Variants in MYO3B observed in about 807,000 individuals in gnomAD.
MYO3B encodes myosin IIIB, also known as myosin-IIIb.
MYO3B carries 156 observed loss-of-function variants against 174.6 expected under a neutral mutation model. The observed-to-expected ratio is 0.89, with a 90% CI of 0.78 to 1.02. The LOEUF is 1.02. Ranked by LOEUF, MYO3B falls within the 50% of genes least tolerant of loss-of-function variation. The pLI, the probability that MYO3B is intolerant of heterozygous loss-of-function variation, is 0.00. For missense variants in MYO3B, 1,632 were observed against 1,639.4 expected, an observed-to-expected ratio of 1.00 and a Z score of 0.08; for synonymous variants, 563 against 569.1, an observed-to-expected ratio of 0.99 and a Z score of 0.15.
At chr2:170,355,450 GC>G (rs2094113102) in intron 8 of MYO3B, among the ~76,000 whole-genome samples, 1 of 152,196 alleles carries the variant, frequency 6.6e-6, no homozygotes. Flanking sequence ...TACGACTATT[GC>G]AGCTCTAGGT....
At chr2:170,602,125 G>T in intron 32 of MYO3B, 1 of 1,225,258 alleles carries the variant, frequency 8.2e-7, no homozygotes. Flanking sequence ...GAAGTTGACT[G>T]AGGCATCTGG....
chr2:170,456,165 G>T (rs1683896841), intron 23 of MYO3B, among the ~76,000 whole-genome samples: 1 of 152,004 alleles, frequency 6.6e-6, no homozygotes, highest in Non-Finnish European at 1.5e-5. Context: ...TATTTTGGTG[G>T]GGGGGTGGGG....
At chr2:170,272,440 G>A (rs938701174) in intron 7 of MYO3B, among the ~76,000 whole-genome samples, 13 of 152,106 alleles carry the variant, frequency 8.5e-5, no homozygotes, top group African/African-American at 2.9e-4. Flanking sequence ...CACATCAGTT[G>A]GCCTTTGATT....
At chr2:170,481,003 A>G (rs191999235) in intron 25 of MYO3B, among the ~76,000 whole-genome samples, 105 of 152,330 alleles carry the variant, frequency 6.9e-4, no homozygotes, top group African/African-American at 2.4e-3. Context: ...ATTAAGCCCT[A>G]AGGTTAGTGC....
chr2:170,601,873 C>A (rs1694531375), intron 32 of MYO3B: 2 of 857,130 alleles, frequency 2.3e-6, no homozygotes, highest in African/African-American at 1.7e-5. Flanking sequence ...AATAGGCAGG[C>A]CAGGATGCTC....
At chr2:170,489,106 T>C (rs1686261750) in intron 25 of MYO3B, among the ~76,000 whole-genome samples, 1 of 152,214 alleles carries the variant, frequency 6.6e-6, no homozygotes, top group Non-Finnish European at 1.5e-5. Context: ...GTTTGATAAG[T>C]GTAAAGAAGC....
chr2:170,633,778 C>CA (rs764839161), intron 32 of MYO3B, among the ~76,000 whole-genome samples: 1 of 152,184 alleles, frequency 6.6e-6, no homozygotes, highest in African/African-American at 2.4e-5. Context: ...TCTCAGGATA[C>CA]AAAATCAATG....
chr2:170,230,031 T>C (rs1429411643), intron 6 of MYO3B, among the ~76,000 whole-genome samples: 2 of 152,214 alleles, frequency 1.3e-5, no homozygotes, highest in East Asian at 3.8e-4. Flanking sequence ...CTGGAATAGT[T>C]ATACTGTAAC....
At chr2:170,524,806 A>G (rs553620339) in intron 30 of MYO3B, among the ~76,000 whole-genome samples, 2 of 152,224 alleles carry the variant, frequency 1.3e-5, no homozygotes, top group South Asian at 4.2e-4. Flanking sequence ...TTTTACACGC[A>G]TTATCCTGTT....
At chr2:170,582,986 G>A (rs1057511219) in intron 32 of MYO3B, among the ~76,000 whole-genome samples, 1 of 151,916 alleles carries the variant, frequency 6.6e-6, no homozygotes, top group Non-Finnish European at 1.5e-5. Context: ...ACTAGCCTTG[G>A]ACTCTCTGGC....
chr2:170,579,237 T>C (rs538479636), intron 32 of MYO3B, among the ~76,000 whole-genome samples: 35 of 152,226 alleles, frequency 2.3e-4, no homozygotes, highest in African/African-American at 7.2e-4. Flanking sequence ...GGGGCACTAC[T>C]AGTTACAACC....
intron 32 of MYO3B, among the ~76,000 whole-genome samples, chr2:170,603,692 A>T (rs1393900517): frequency 2.0e-5 from 3 of 152,244 alleles, no homozygotes; most frequent in South Asian, 2.1e-4. Context: ...GGTTTTGTGT[A>T]ATCATTCAAG....
chr2:170,561,449 A>T (rs1422201430), intron 32 of MYO3B, among the ~76,000 whole-genome samples: 1 of 152,190 alleles, frequency 6.6e-6, no homozygotes, highest in Non-Finnish European at 1.5e-5. Context: ...AATTTCCCAC[A>T]TTCTTTTGCA....
chr2:170,329,374 T>C (rs16858161), intron 7 of MYO3B, among the ~76,000 whole-genome samples: 24,446 of 151,304 alleles, frequency 0.16, 3,912 homozygotes, highest in African/African-American at 0.41. Flanking sequence ...GGAATTTTGC[T>C]TTTTATTCTC....
chr2:170,259,896 G>T (rs2093332211), intron 7 of MYO3B, among the ~76,000 whole-genome samples: 1 of 151,682 alleles, frequency 6.6e-6, no homozygotes, highest in Non-Finnish European at 1.5e-5. Context: ...CCCTTAAAAA[G>T]TGGGCAAAGG....
chr2:170,315,462 C>T (rs2093769080), intron 7 of MYO3B, among the ~76,000 whole-genome samples: 4 of 150,686 alleles, frequency 2.7e-5, no homozygotes, highest in Non-Finnish European at 1.5e-5. Context: ...TGCACCACCA[C>T]ACCTAGCTAA....
At chr2:170,525,338 G>C (rs780149605) in intron 30 of MYO3B, among the ~76,000 whole-genome samples, 1 of 152,218 alleles carries the variant, frequency 6.6e-6, no homozygotes, top group African/African-American at 2.4e-5. Context: ...AGTCTTTTAT[G>C]TTGTGGGGCT....
chr2:170,402,875 G>T lies in MYO3B; in HGVS notation c.2157G>T (p.Gly719=), dbSNP rs762371576. The part of the protein sequence containing the change: ...ICSAGGGMNV[G]ILDIFGFENF... The stretch of plus-strand genomic sequence containing the variant: ...GTGCAGGAGGTGGAATGAATGTGGG[G>T]ATCTTGGATATCTTTGGATTCGAGA... The change falls in exon 19 of 35, where the codon GGG becomes GGT. Residue 719 remains glycine (G), a synonymous_variant. Transcript: ENST00000408978. 1 of 1,612,002 alleles carries T rather than the reference G, an allele frequency of 6.2e-7. No homozygotes were observed. The highest frequency in any genetic ancestry group is 8.5e-7 in the Non-Finnish European group (1 of 1,178,458).
chr2:170,604,152 T>C (rs1308467651), intron 32 of MYO3B, among the ~76,000 whole-genome samples: 2 of 152,206 alleles, frequency 1.3e-5, no homozygotes, highest in Non-Finnish European at 2.9e-5. Flanking sequence ...TCAGAACATA[T>C]CCTTGTTGTT....
Sources: allele counts gnomAD v4.1 joint callset (sites outside exome capture counted in the v4.1 genomes callset), GRCh38; gene constraint gnomAD v4.1.1; transcripts MANE v1.5; gene names NCBI Gene and HGNC (gene_info 2026-07-23, HGNC 2026-07-21).